BCORL1: variants seen among roughly 807,000 people sequenced by gnomAD.
BCORL1 encodes the protein BCL-6 corepressor-like protein 1.
Under a neutral mutation model 87.6 loss-of-function variants are expected in BCORL1, and 7 were observed. The ratio of observed to expected loss-of-function variants is 0.08; its 90% confidence interval spans 0.05 to 0.15. BCORL1 has a LOEUF of 0.15. Ranked by LOEUF, BCORL1 falls within the 10% of genes least tolerant of loss-of-function variation. The pLI is 1.00. For synonymous variants in BCORL1, 591 were observed against 634.4 expected, an observed-to-expected ratio of 0.93 and a Z score of 1.03; for missense variants, 1,215 against 1,499.7, an observed-to-expected ratio of 0.81 and a Z score of 3.13.
intron 1 of BCORL1, among the ~76,000 whole-genome samples, chrX:129,983,579 C>T (rs1036903130): frequency 9.5e-6 from 1 of 104,716 alleles, no homozygotes. Context: ...CCCTAGGTGG[C>T]GGCGGGGCCT....
intron 2 of BCORL1, among the ~76,000 whole-genome samples, chrX:130,011,227 T>A (rs1928935982): frequency 9.3e-6 from 1 of 107,470 alleles, no homozygotes; most frequent in Admixed American, 1.0e-4. Flanking sequence ...GGGGCAATAG[T>A]TTTTTTTGGT....
In BCORL1 at chrX:130,051,870, C is replaced by T. The variant is rs140527214; in HGVS notation, c.4929C>T (p.Asp1643=). 36 of 1,194,124 alleles carry T rather than the reference C, an allele frequency of 3.0e-5. No homozygotes were observed. Among genetic ancestry groups the T allele is most frequent in the East Asian group, 3.0e-5 (1 of 33,456 alleles). ...ATGCTCCCCTTACAGAGGAAAAAGACGGGTTTGCCTGTGACCTCCTACATA... is the reference window on the plus strand; with the variant it reads ...ATGCTCCCCTTACAGAGGAAAAAGATGGGTTTGCCTGTGACCTCCTACATA... ...FYSSSVLEEK[D]GFACDLLHNP... The change falls in exon 13 of 14, where the codon GAC becomes GAT. Residue 1643 remains aspartate (D), a synonymous_variant. Coordinates refer to ENST00000540052, the MANE Select transcript of BCORL1 (RefSeq NM_001379451.1).
intron 1 of BCORL1, among the ~76,000 whole-genome samples, chrX:129,990,583 T>G (rs934264889): frequency 8.9e-6 from 1 of 111,799 alleles, no homozygotes; most frequent in African/African-American, 3.3e-5. Flanking sequence ...CCTATTATGT[T>G]ATAGTAAACA....
At chrX:130,004,243 T>TTTTTC in intron 1 of BCORL1, among the ~76,000 whole-genome samples, 1 of 93,172 alleles carries the variant, frequency 1.1e-5, no homozygotes, top group African/African-American at 4.1e-5. Context: ...AATGTGTGGT[T>TTTTTC]TTTTTTTTTT....
In BCORL1 at chrX:130,012,568, TC is replaced by T. The variant is rs746424905; in HGVS notation, c.87-8del. 7.0e-5 allele frequency: 84 copies of T among 1,201,209 alleles called. No homozygotes were observed. The highest frequency in any genetic ancestry group is 9.2e-5 in the Non-Finnish European group (82 of 887,590). ...TCATGTCCCTTCTCTGGTTGTATCT[TC>T]CATGCTAGAAGAGCACCTCTTTCTG... On this transcript the variant is annotated splice_polypyrimidine_tract_variant and intron_variant, in intron 2 of 13. Transcript: ENST00000540052.
intron 7 of BCORL1, among the ~76,000 whole-genome samples, chrX:130,026,278 T>A (rs1930240615): frequency 8.9e-6 from 1 of 112,453 alleles, no homozygotes; most frequent in South Asian, 3.6e-4. Context: ...TAGCTAAAAC[T>A]GAATAACCTC....
intron 3 of BCORL1, 111 bp from the exon 4 acceptor site, chrX:130,012,839 A>G: frequency 1.8e-6 from 2 of 1,104,583 alleles, no homozygotes; most frequent in Admixed American, 5.4e-5. Context: ...GTCTTCCGAG[A>G]CCTGGTTGGT....
chrX:130,004,682 A>G (rs191269922), intron 1 of BCORL1, among the ~76,000 whole-genome samples: 142 of 112,066 alleles, frequency 1.3e-3, no homozygotes, highest in Admixed American at 4.1e-3. Context: ...CTCAAAGTCA[A>G]TGGAGTATTT....
At chrX:129,999,333 G>C (rs1188224734) in intron 1 of BCORL1, among the ~76,000 whole-genome samples, 9 of 78,611 alleles carry the variant, frequency 1.1e-4, no homozygotes, top group Non-Finnish European at 2.1e-4. Context: ...TTTTGAGATA[G>C]GGTCTCCCTC....
chrX:130,000,930 C>T (rs886640067), intron 1 of BCORL1, among the ~76,000 whole-genome samples: 3 of 95,462 alleles, frequency 3.1e-5, no homozygotes, highest in Non-Finnish European at 6.3e-5. Context: ...GTGTGTGTGT[C>T]GGGGGGTGGC....
Position 129,996,154 on chromosome X carries a change from T to A in BCORL1, c.-44-9034T>A, listed in dbSNP as rs370547076. 4.0e-4 allele frequency among the ~76,000 whole-genome samples: 44 copies of A among 110,924 alleles called. No individual in the cohort carries two copies. The South Asian group carries it at 0.016, about 40-fold the overall frequency. ...AAGTTTGCCTCTGTCTTATGGGAGC[T>A]TTACCAAGAGCTCTGGGTCTCTATT... is the stretch of plus-strand genomic sequence containing the variant. On this transcript the variant is annotated intron_variant, in intron 1 of 13. Coordinates refer to ENST00000540052, the MANE Select transcript of BCORL1 (RefSeq NM_001379451.1).
intron 8 of BCORL1, among the ~76,000 whole-genome samples, chrX:130,031,268 G>A (rs1006916542): frequency 5.3e-5 from 6 of 112,711 alleles, no homozygotes; most frequent in African/African-American, 1.6e-4. Flanking sequence ...TACCCTCATA[G>A]CTAGTGCCTT....
intron 13 of BCORL1, 135 bp downstream of exon 13, chrX:130,052,151 A>G (rs967890078): frequency 3.2e-5 from 19 of 591,397 alleles, no homozygotes; most frequent in Non-Finnish European, 4.8e-5. Context: ...CTGCCCTTTT[A>G]GCCCAGAGTA....
chrX:129,992,608 A>G (rs769745763), intron 1 of BCORL1, among the ~76,000 whole-genome samples: 2 of 112,383 alleles, frequency 1.8e-5, no homozygotes, highest in African/African-American at 6.5e-5. Flanking sequence ...GGTCTCTCCA[A>G]ATATTTGTGT....
At chrX:130,025,553 A>G (rs1283224676) in intron 7 of BCORL1, among the ~76,000 whole-genome samples, 174 bp downstream of exon 7, 2 of 111,351 alleles carry the variant, frequency 1.8e-5, no homozygotes, top group Non-Finnish European at 3.8e-5. Context: ...TTGGGTTGAC[A>G]TTGAATGAGT....
chrX:129,984,453 G>A (rs1603052554), intron 1 of BCORL1, among the ~76,000 whole-genome samples: 1 of 111,300 alleles, frequency 9.0e-6, no homozygotes, highest in East Asian at 2.9e-4. Context: ...GAAGGGGGGT[G>A]TGGGTCCCGC....
chrX:130,046,641 G>A (rs1931772994), intron 11 of BCORL1, among the ~76,000 whole-genome samples: 1 of 110,756 alleles, frequency 9.0e-6, no homozygotes, highest in African/African-American at 3.3e-5. Flanking sequence ...CCACCTCCTG[G>A]GTTCACACCA....
In BCORL1 at chrX:130,050,754, T is replaced by C; in HGVS notation, c.4878T>C (p.Asp1626=). 1 of 1,211,214 alleles carries C rather than the reference T, an allele frequency of 8.3e-7. No homozygotes were observed. The highest frequency in any genetic ancestry group is 1.1e-6 in the Non-Finnish European group (1 of 895,124). ...LSDLQGRAEG[D]PGVSWDFYSS... ...ATCTTCAGGGCCGGGCAGAGGGTGA[T>C]CCCGGTGTATCCTGGGATTTTTACA... is the stretch of plus-strand genomic sequence containing the variant. The change falls in exon 12 of 14, where the codon GAT becomes GAC. Residue 1626 remains aspartate (D), a synonymous_variant. Coordinates refer to ENST00000540052, the MANE Select transcript of BCORL1 (RefSeq NM_001379451.1).
At chrX:130,003,861 A>G (rs926099179) in intron 1 of BCORL1, among the ~76,000 whole-genome samples, 2 of 111,995 alleles carry the variant, frequency 1.8e-5, no homozygotes, top group Non-Finnish European at 3.8e-5. Context: ...GTAGGAATGC[A>G]ATAAATTGTG....
Sources: gnomAD v4.1 joint callset for allele counts (sites outside exome capture counted in the v4.1 genomes callset) on GRCh38, gnomAD v4.1.1 for gene constraint, MANE v1.5 for transcripts, NCBI Gene and HGNC (gene_info 2026-07-23, HGNC 2026-07-21) for gene names.